Variants in SGIP1 observed in about 807,000 individuals in gnomAD.
SGIP1 encodes SH3GL interacting endocytic adaptor 1, also known as SH3-containing GRB2-like protein 3-interacting protein 1.
A neutral mutation model predicts 107.5 loss-of-function variants in SGIP1; 38 were observed. The observed-to-expected ratio is 0.35, with a 90% CI of 0.27 to 0.46. The LOEUF (loss-of-function observed/expected upper bound fraction) is 0.46, where lower values mean the gene tolerates loss of function less well. SGIP1 is among the 20% of genes least tolerant of loss of function. The pLI, the probability that SGIP1 is intolerant of heterozygous loss-of-function variation, is 1.00. For missense variants in SGIP1, 929 were observed against 1,019.5 expected (o/e 0.91, Z 1.21); for synonymous variants, 365 against 366.1 (o/e 1.00, Z 0.03).
chr1:66,651,857 T>C lies in SGIP1; in HGVS notation c.459+8138T>C, dbSNP rs188757240. ...TTGTTTTAAATGTTAAGGAATGATG[T>C]CCATTTTATATGGCTCATTTATTTC... is the stretch of plus-strand genomic sequence containing the variant. On this transcript the variant is annotated intron_variant, in intron 7 of 24. Transcript: ENST00000371037. 3.9e-3 allele frequency among the ~76,000 whole-genome samples: 587 copies of C among 152,324 alleles called. 2 individuals are homozygous for C. Among genetic ancestry groups the C allele is most frequent in the African/African-American group, 0.013 (542 of 41,576 alleles).
chr1:66,653,140 G>T (rs762628779), intron 7 of SGIP1, among the ~76,000 whole-genome samples: 1 of 152,084 alleles, frequency 6.6e-6, no homozygotes, highest in Non-Finnish European at 1.5e-5. Flanking sequence ...CACATGAGAC[G>T]CAACTTTTGT....
At chr1:66,635,780 C>G (rs757844534) in intron 3 of SGIP1, among the ~76,000 whole-genome samples, 164 bp from the exon 4 acceptor site, 1 of 152,160 alleles carries the variant, frequency 6.6e-6, no homozygotes, top group Non-Finnish European at 1.5e-5. Flanking sequence ...AAAGTCCACT[C>G]TTTGCTTAAG....
intron 4 of SGIP1, among the ~76,000 whole-genome samples, chr1:66,636,766 A>C (rs2075857697): frequency 6.6e-6 from 1 of 152,154 alleles, no homozygotes; most frequent in African/African-American, 2.4e-5. Flanking sequence ...CGCCCCACCC[A>C]AGGATCATTA....
At chr1:66,551,479 G>A (rs868412010) in intron 1 of SGIP1, among the ~76,000 whole-genome samples, 14 of 152,150 alleles carry the variant, frequency 9.2e-5, no homozygotes, top group Middle Eastern at 3.4e-3. Context: ...CTGACTTTGT[G>A]GTTTGGAAAA....
chr1:66,647,747 C>T (rs910804696), intron 7 of SGIP1, among the ~76,000 whole-genome samples: 19 of 152,286 alleles, frequency 1.2e-4, no homozygotes, highest in Admixed American at 9.8e-4. Context: ...TGAACAGAGA[C>T]ACTCCAGTGT....
chr1:66,712,410 C>A (rs901670369), intron 18 of SGIP1, among the ~76,000 whole-genome samples: 9 of 152,134 alleles, frequency 5.9e-5, no homozygotes, highest in African/African-American at 2.2e-4. Flanking sequence ...GAAGGGGAGA[C>A]TGGCCTGCCC....
intron 1 of SGIP1, among the ~76,000 whole-genome samples, chr1:66,608,673 T>C (rs1022239766): frequency 6.6e-6 from 1 of 152,180 alleles, no homozygotes; most frequent in African/African-American, 2.4e-5. Flanking sequence ...TACTTATGTT[T>C]AACTTTGCCC....
intron 1 of SGIP1, among the ~76,000 whole-genome samples, chr1:66,546,123 G>A (rs1392356549): frequency 6.6e-6 from 1 of 152,174 alleles, no homozygotes; most frequent in Non-Finnish European, 1.5e-5. Flanking sequence ...TTGGTCCATA[G>A]TAGAAGCTTA....
intron 21 of SGIP1, among the ~76,000 whole-genome samples, chr1:66,736,770 C>T (rs1411847372): frequency 2.0e-5 from 3 of 151,548 alleles, no homozygotes; most frequent in Non-Finnish European, 2.9e-5. Flanking sequence ...GTTTAGAATG[C>T]CACCCAGGTA....
intron 1 of SGIP1, among the ~76,000 whole-genome samples, chr1:66,583,485 C>G (rs2062105381): frequency 6.6e-6 from 1 of 152,092 alleles, no homozygotes; most frequent in Admixed American, 6.6e-5. Context: ...CTGGTTTCAC[C>G]TTTGCAGAAA....
rs2094509594 is a variant in SGIP1, at chr1:66,743,168, G to T, written c.*73G>T. On this transcript the variant is annotated 3_prime_UTR_variant, in exon 25 of 25. Transcript: ENST00000371037. ...TGTATGAGAAACAGATTTTAATTTT[G>T]GTTTGATGAAAACAAACCAATATCT... The T allele has an allele frequency of 1.3e-6, 2 of 1,562,520 alleles. No homozygotes were observed. Among genetic ancestry groups the T allele is most frequent in the African/African-American group, 1.4e-5 (1 of 73,628 alleles).
chr1:66,675,899 G>C, intron 12 of SGIP1, among the ~76,000 whole-genome samples: 1 of 152,056 alleles, frequency 6.6e-6, no homozygotes, highest in South Asian at 2.1e-4. Context: ...AGAGTTAAAA[G>C]TCTGCTACAT....
intron 17 of SGIP1, among the ~76,000 whole-genome samples, chr1:66,693,575 C>G (rs1400078588): frequency 6.6e-6 from 1 of 152,092 alleles, no homozygotes; most frequent in Non-Finnish European, 1.5e-5. Context: ...TTCTTTCTTA[C>G]TGGTCTTTGT....
intron 1 of SGIP1, among the ~76,000 whole-genome samples, chr1:66,548,531 T>A (rs1045366619): frequency 6.6e-6 from 1 of 152,126 alleles, no homozygotes; most frequent in Non-Finnish European, 1.5e-5. Context: ...TCCAAGGGTA[T>A]CATGCACTTT....
chr1:66,686,071 A>G (rs1386072944), intron 15 of SGIP1, among the ~76,000 whole-genome samples: 1 of 152,284 alleles, frequency 6.6e-6, no homozygotes, highest in Non-Finnish European at 1.5e-5. Flanking sequence ...CAGCAACAGC[A>G]TGAACTATTA....
chr1:66,569,115 T>A (rs896351619), intron 1 of SGIP1, among the ~76,000 whole-genome samples: 3 of 152,026 alleles, frequency 2.0e-5, no homozygotes, highest in Non-Finnish European at 4.4e-5. Context: ...CCTGGAAGGA[T>A]ACAAGCCTGA....
chr1:66,642,938 A>G (rs2077039853), intron 6 of SGIP1, 74 bp downstream of exon 6: 3 of 1,275,568 alleles, frequency 2.4e-6, no homozygotes, highest in Middle Eastern at 2.0e-4. Context: ...CAGATTTTAC[A>G]AAAGTAATAA....
In SGIP1 at chr1:66,675,537, C is replaced by CTTTTTTTTTTTTTTTTTTTTTTTTTT. The variant is rs141370211; in HGVS notation, c.647-1464_647-1463insTTTTTTTTTTTTTTTTTTTTTTTTTT. On this transcript the variant is annotated intron_variant, in intron 12 of 24. Transcript: ENST00000371037. ...TTTCGTTGTTTTTCTTTTTCTTTTT[C>CTTTTTTTTTTTTTTTTTTTTTTTTTT]TTTCTTTTTTTTTTTTTTTTTTGAC... 6.3e-4 allele frequency among the ~76,000 whole-genome samples: 69 copies of CTTTTTTTTTTTTTTTTTTTTTTTTTT among 109,218 alleles called. 9 individuals carry two copies. The highest frequency in any genetic ancestry group is 2.0e-3 in the African/African-American group (49 of 24,262). The allele number at this position is 109,218 out of a possible 152,430, so 71.7% of individuals were successfully genotyped here. A position where few individuals can be genotyped will look rare whatever the true frequency, so the allele number is the denominator to read the frequency against.
intron 8 of SGIP1, among the ~76,000 whole-genome samples, chr1:66,664,297 G>A (rs1187256374): frequency 6.6e-6 from 1 of 152,102 alleles, no homozygotes; most frequent in Non-Finnish European, 1.5e-5. Context: ...TATAAGAAAG[G>A]TGGATTCAAT....
Sources: gnomAD v4.1 joint callset for allele counts (sites outside exome capture counted in the v4.1 genomes callset) on GRCh38, gnomAD v4.1.1 for gene constraint, MANE v1.5 for transcripts, NCBI Gene and HGNC (gene_info 2026-07-23, HGNC 2026-07-21) for gene names.